NT5M: variants seen among roughly 807,000 people sequenced by gnomAD.
The protein encoded by NT5M is 5'(3')-deoxyribonucleotidase, mitochondrial.
In NT5M, 22 loss-of-function variants were observed where a neutral mutation model predicts 22.2. The observed-to-expected ratio is 0.99, with a 90% CI of 0.71 to 1.41. The LOEUF (loss-of-function observed/expected upper bound fraction) is 1.41. Ranked by LOEUF, NT5M falls within the 40% of genes most tolerant of loss-of-function variation. NT5M has a pLI of 0.00. For missense variants in NT5M, 322 were observed against 314.8 expected, an observed-to-expected ratio of 1.02 and a Z score of -0.17; for synonymous variants, 167 against 133.0, an observed-to-expected ratio of 1.26 and a Z score of -1.76.
At chr17:17,333,746 T>A (rs1226203466) in intron 3 of NT5M, among the ~76,000 whole-genome samples, 1 of 151,978 alleles carries the variant, frequency 6.6e-6, no homozygotes, top group Non-Finnish European at 1.5e-5. Context: ...AACCTCCGCC[T>A]CCCAGGTTCA....
In NT5M at chr17:17,347,167, A is replaced by C. The variant is rs557438976; in HGVS notation, c.*220A>C. On this transcript the variant is annotated 3_prime_UTR_variant, in exon 5 of 5. Transcript: ENST00000389022. Reference sequence around the variant, plus strand: ...CGCTTGGACATAGACACGTGGTCCCAGGCCGTTCAGCCTGACCTCAGGCAG... The same window carrying C: ...CGCTTGGACATAGACACGTGGTCCCCGGCCGTTCAGCCTGACCTCAGGCAG... The C allele has an allele frequency of 1.7e-6, 1 of 599,110 alleles. No homozygotes were observed. The highest frequency in any genetic ancestry group is 1.9e-5 in the African/African-American group (1 of 53,290). 37.1% of individuals were successfully genotyped at this position (599,110 alleles called of 1,614,324 possible). A position where few individuals can be genotyped will look rare whatever the true frequency, so the allele number is the denominator to read the frequency against.
intron 3 of NT5M, among the ~76,000 whole-genome samples, chr17:17,325,864 T>C (rs2145384506): frequency 6.6e-6 from 1 of 152,306 alleles, no homozygotes; most frequent in East Asian, 1.9e-4. Flanking sequence ...GACCATCATA[T>C]TGAAGTGTAT....
intron 2 of NT5M, among the ~76,000 whole-genome samples, chr17:17,309,688 TTTTTTTTGAGACAGAG>T (rs2048883776): frequency 6.6e-6 from 1 of 151,718 alleles, no homozygotes; most frequent in South Asian, 2.1e-4. Context: ...TTTTTTTTTT[TTTTTTTTGAGACAGAG>T]TTTTTGAGAC....
intron 2 of NT5M, among the ~76,000 whole-genome samples, chr17:17,315,172 T>C (rs2048997639): frequency 6.6e-6 from 1 of 152,190 alleles, no homozygotes; most frequent in South Asian, 2.1e-4. Flanking sequence ...AAACCACTCA[T>C]TTAGAAGGAT....
intron 2 of NT5M, among the ~76,000 whole-genome samples, chr17:17,321,456 C>T (rs2049149481): frequency 6.6e-6 from 1 of 151,710 alleles, no homozygotes; most frequent in African/African-American, 2.4e-5. Context: ...AAGAAGTGAG[C>T]CCGGCGGCAG....
At chr17:17,323,096 C>T in intron 2 of NT5M, 89 bp from the exon 3 acceptor site, 1 of 1,010,856 alleles carries the variant, frequency 9.9e-7, no homozygotes. Flanking sequence ...TCAGAGGGTC[C>T]AGCCCTGTGA....
chr17:17,307,867 AAAG>A (rs1876640525), intron 2 of NT5M, among the ~76,000 whole-genome samples: 1 of 151,982 alleles, frequency 6.6e-6, no homozygotes, highest in African/African-American at 2.4e-5. Flanking sequence ...CCAAAAAAAA[AAAG>A]AAACCCTGTC....
chr17:17,314,969 T>C (rs1265850898), intron 2 of NT5M, among the ~76,000 whole-genome samples: 2 of 152,192 alleles, frequency 1.3e-5, no homozygotes, highest in East Asian at 3.8e-4. Flanking sequence ...CATGTCTGTG[T>C]CTGTCCCTTC....
At chr17:17,335,386 T>C (rs2049486589) in intron 3 of NT5M, among the ~76,000 whole-genome samples, 1 of 152,078 alleles carries the variant, frequency 6.6e-6, no homozygotes, top group African/African-American at 2.4e-5. Flanking sequence ...ACCTCCCAAG[T>C]AGCTGGGACT....
chr17:17,306,652 G>A lies in NT5M; in HGVS notation c.368+9G>A, dbSNP rs752873865. The stretch of plus-strand genomic sequence containing the variant: ...ATGGCCAGCCTACAAAAGTAAGTTT[G>A]TCCTCCCAGCCACTCAGTAAGTTTG... On this transcript the variant is annotated intron_variant, in intron 2 of 4. Coordinates refer to ENST00000389022, the MANE Select transcript of NT5M (RefSeq NM_020201.4). 1.6e-5 allele frequency: 25 copies of A among 1,597,056 alleles called. 1 individual carries two copies. Among genetic ancestry groups the A allele is most frequent in the Non-Finnish European group, 2.1e-5 (25 of 1,164,708 alleles).
chr17:17,347,093 G>A lies in NT5M; in HGVS notation c.*146G>A. 9.7e-7 allele frequency: 1 copy of A among 1,035,422 alleles called. No homozygotes were observed. Among genetic ancestry groups the A allele is most frequent in the Non-Finnish European group, 1.4e-6 (1 of 729,998 alleles). The allele number at this position is 1,035,422 out of a possible 1,614,324, so 64.1% of individuals were successfully genotyped here. Reference sequence around the variant, plus strand: ...TGCTGCATGTCCCTTCCCTTCCCCAGCCCTGCCAGGCCTTAACCTGATCAC... The same window carrying A: ...TGCTGCATGTCCCTTCCCTTCCCCAACCCTGCCAGGCCTTAACCTGATCAC... On this transcript the variant is annotated 3_prime_UTR_variant, in exon 5 of 5. Coordinates refer to ENST00000389022, the MANE Select transcript of NT5M (RefSeq NM_020201.4).
intron 3 of NT5M, among the ~76,000 whole-genome samples, chr17:17,333,889 A>G (rs1166845230): frequency 1.4e-5 from 2 of 146,332 alleles, no homozygotes; most frequent in Non-Finnish European, 3.0e-5. Flanking sequence ...TCTGGAGTGC[A>G]GTGGCACAAT....
At chr17:17,317,477 A>G (rs1378261213) in intron 2 of NT5M, among the ~76,000 whole-genome samples, 1 of 152,222 alleles carries the variant, frequency 6.6e-6, no homozygotes, top group Non-Finnish European at 1.5e-5. Context: ...AGTCAAAACC[A>G]CAAGGAGGAG....
rs1159341207 is a variant in NT5M at position 17,323,264 on chromosome 17, C to T, written c.429+19C>T. The stretch of plus-strand genomic sequence containing the variant: ...TGAGAAGGTAAGGCGTGCGTCTGCT[C>T]AGCTGAGCCCTTACCCCATGCATCA... On this transcript the variant is annotated intron_variant, in intron 3 of 4. Transcript: ENST00000389022. 2 of 1,606,866 alleles carry T rather than the reference C, an allele frequency of 1.2e-6. No homozygotes were observed. Among genetic ancestry groups the T allele is most frequent in the African/African-American group, 1.3e-5 (1 of 74,790 alleles).
chr17:17,317,053 T>TG (rs2049046321), intron 2 of NT5M, among the ~76,000 whole-genome samples: 1 of 84,198 alleles, frequency 1.2e-5, no homozygotes, highest in African/African-American at 3.6e-5. Flanking sequence ...GTTTTTGTTT[T>TG]TGTTTTTTTT....
chr17:17,342,549 T>TA (rs1310898877), intron 3 of NT5M, among the ~76,000 whole-genome samples: 5 of 152,130 alleles, frequency 3.3e-5, no homozygotes, highest in Admixed American at 2.6e-4. Context: ...CAGTGGAAAT[T>TA]AAAAAAACAA....
chr17:17,318,599 A>G (rs1317139298), intron 2 of NT5M, among the ~76,000 whole-genome samples: 1 of 151,264 alleles, frequency 6.6e-6, no homozygotes, highest in Non-Finnish European at 1.5e-5. Context: ...CAGCCTTACC[A>G]ACATGGAGAA....
intron 3 of NT5M, among the ~76,000 whole-genome samples, chr17:17,334,549 G>C (rs2049458868): frequency 1.3e-5 from 2 of 150,192 alleles, no homozygotes; most frequent in Non-Finnish European, 3.0e-5. Flanking sequence ...TGTGATCTCG[G>C]CTCACTGCAA....
intron 3 of NT5M, 67 bp downstream of exon 3, chr17:17,323,312 GC>G: frequency 7.8e-7 from 1 of 1,280,682 alleles, no homozygotes; most frequent in Non-Finnish European, 1.1e-6. Context: ...ACGGGGCTCA[GC>G]CTGCCTGTGG....
Sources: allele counts gnomAD v4.1 joint callset (sites outside exome capture counted in the v4.1 genomes callset), GRCh38; gene constraint gnomAD v4.1.1; transcripts MANE v1.5; gene names NCBI Gene and HGNC (gene_info 2026-07-23, HGNC 2026-07-21).